Variants in SOS2 observed in about 807,000 individuals in gnomAD.
The protein encoded by SOS2 is SOS Ras/Rho guanine nucleotide exchange factor 2.
SOS2 carries 65 observed loss-of-function variants against 148.2 expected under a neutral mutation model. The ratio of observed to expected loss-of-function variants is 0.44; its 90% CI spans 0.36 to 0.54. SOS2 has a LOEUF of 0.54. Among genes scored for constraint, SOS2 ranks in the 20% least tolerant of loss-of-function variants. The pLI is 0.00. For missense variants in SOS2, 1,341 were observed against 1,590.2 expected (o/e 0.84, Z 2.67); for synonymous variants, 539 against 537.1 (o/e 1.00, Z -0.05).
chr14:50,199,647 A>G, intron 4 of SOS2, 44 bp downstream of exon 4: 1 of 1,157,552 alleles, frequency 8.6e-7, no homozygotes, highest in South Asian at 1.5e-5. Flanking sequence ...AGAAATTAGT[A>G]TAGTTGCTAT....
In SOS2 at chr14:50,141,098, G is replaced by A. The variant is rs140516158; in HGVS notation, c.2668-1039C>T. The stretch of plus-strand genomic sequence containing the variant: ...GGGTGCCTGTAGTCCCAGCTACTCG[G>A]GAGGCTGAGGCAGGAGAATGCCATG... On this transcript the variant is annotated intron_variant, in intron 16 of 22. Coordinates refer to ENST00000216373, the MANE Select transcript of SOS2 (RefSeq NM_006939.4). 7.0e-3 allele frequency among the ~76,000 whole-genome samples: 1,057 copies of A among 151,322 alleles called. 15 individuals carry two copies. The highest frequency in any genetic ancestry group is 0.024 in the African/African-American group (996 of 41,164).
rs1884613486 is a variant in SOS2 at position 50,150,107 on chromosome 14, T to C, written c.2285A>G (p.His762Arg). 3 of 1,613,698 alleles carry C rather than the reference T, an allele frequency of 1.9e-6. No homozygotes were observed. The highest frequency in any genetic ancestry group is 1.7e-6 in the Non-Finnish European group (2 of 1,179,698). Residue 762 changes from histidine (H) to arginine (R), a missense_variant, in exon 14 of 23, where the codon CAT (histidine) becomes CGT (arginine). Coordinates refer to ENST00000216373, the MANE Select transcript of SOS2 (RefSeq NM_006939.4). ...TTCAAACTGTCCTGGTTTGCTGATA[T>C]GCCATTCAATTGGTGGAGGTGGACT... is the stretch of plus-strand genomic sequence containing the variant. ...FESPPPPIEW[H>R]ISKPGQFETF...
rs550172427 is a variant in SOS2 at position 50,193,991 on chromosome 14, C to A, written c.511-5291G>T. 1.8e-3 allele frequency among the ~76,000 whole-genome samples: 277 copies of A among 152,232 alleles called. 2 individuals carry two copies. The highest frequency in any genetic ancestry group is 6.1e-3 in the African/African-American group (254 of 41,534). ...AACTCCTGAGCTCAGACAATCTGCC[C>A]GTCTTGGCCTCCCAAAGTGCTAGGA... is the stretch of plus-strand genomic sequence containing the variant. On this transcript the variant is annotated intron_variant, in intron 4 of 22. Transcript: ENST00000216373.
chr14:50,222,272 G>C (rs1887223947), intron 1 of SOS2, among the ~76,000 whole-genome samples: 1 of 152,168 alleles, frequency 6.6e-6, no homozygotes, highest in Non-Finnish European at 1.5e-5. Context: ...AAATGTGCAA[G>C]TTTTTCAAAA....
chr14:50,212,405 C>T (rs1324338206), intron 1 of SOS2, among the ~76,000 whole-genome samples: 3 of 152,180 alleles, frequency 2.0e-5, no homozygotes, highest in East Asian at 3.9e-4. Context: ...ACCCAGGAGG[C>T]GGAGGTTGCA....
At chr14:50,147,926 G>A (rs1167852333) in intron 14 of SOS2, among the ~76,000 whole-genome samples, 1 of 152,124 alleles carries the variant, frequency 6.6e-6, no homozygotes, top group East Asian at 1.9e-4. Context: ...TTCAAGGCCA[G>A]CCTGGGCAAC....
At chr14:50,183,281 T>C (rs1278765897) in intron 5 of SOS2, among the ~76,000 whole-genome samples, 2 of 152,094 alleles carry the variant, frequency 1.3e-5, no homozygotes, top group African/African-American at 2.4e-5. Flanking sequence ...TTTTCAAACA[T>C]GTACATCTTG....
In SOS2 at chr14:50,130,644, T is replaced by G. The variant is rs1286858047; in HGVS notation, c.3194A>C (p.Lys1065Thr). 1 of 1,614,204 alleles carries G rather than the reference T, an allele frequency of 6.2e-7. No individual in the cohort carries two copies. The highest frequency in any genetic ancestry group is 8.5e-7 in the Non-Finnish European group (1 of 1,180,038). The change falls in exon 20 of 23, where the codon AAA (lysine) becomes ACA (threonine). Residue 1065 changes from lysine to threonine, a missense_variant. By Grantham distance (78) the Lys-to-Thr change is moderately conservative. Around this residue, in one of 4 missense-constraint regions of SOS2, gnomAD observed 354 missense variants for 347.7 expected, o/e 1.02. Transcript: ENST00000216373. Reference protein sequence around the residue: ...HPTPLEREPCKISFSRIAETE... With the variant: ...HPTPLEREPCTISFSRIAETE... ...TTCAGCAATCCGACTAAAGCTTATTTTACATGGTTCTCTTTCTAATGGTGT... is the reference window on the plus strand; with the variant it reads ...TTCAGCAATCCGACTAAAGCTTATTGTACATGGTTCTCTTTCTAATGGTGT...
intron 1 of SOS2, among the ~76,000 whole-genome samples, chr14:50,226,780 A>G (rs943708689): frequency 6.6e-6 from 1 of 152,232 alleles, no homozygotes; most frequent in Non-Finnish European, 1.5e-5. Context: ...TACAAAATAA[A>G]TATCAGGGAC....
At chr14:50,130,051 A>AGGAGGT in intron 20 of SOS2, 49 bp from the exon 21 acceptor site, 1 of 1,160,534 alleles carries the variant, frequency 8.6e-7, no homozygotes, top group Non-Finnish European at 1.3e-6. Context: ...ACATGTAGGT[A>AGGAGGT]TTATTTTTTA....
Position 50,117,299 on chromosome 14 carries a change from A to G in SOS2, c.*1045T>C, listed in dbSNP as rs1883312647. On this transcript the variant is annotated 3_prime_UTR_variant, in exon 23 of 23. Coordinates refer to ENST00000216373, the MANE Select transcript of SOS2 (RefSeq NM_006939.4). Reference sequence around the variant, plus strand: ...CTATCACTTTGAACGAAGGCATCCAAATGGCAAATAAAAGCTTTACTCACT... The same window carrying G: ...CTATCACTTTGAACGAAGGCATCCAGATGGCAAATAAAAGCTTTACTCACT... 1 of 152,194 alleles carries G rather than the reference A, an allele frequency of 6.6e-6. No homozygotes were observed. Among genetic ancestry groups the G allele is most frequent in the South Asian group, 2.1e-4 (1 of 4,834 alleles). The allele number at this position is 152,194 out of a possible 1,614,324, so 9.4% of individuals were successfully genotyped here.
chr14:50,152,900 G>A (rs1325283570), intron 13 of SOS2, among the ~76,000 whole-genome samples, 170 bp downstream of exon 13: 1 of 151,964 alleles, frequency 6.6e-6, no homozygotes, highest in Admixed American at 6.6e-5. Context: ...GGGAGGCGGA[G>A]GTTGCAGTGA....
At chr14:50,165,025 G>A (rs1244770259) in intron 8 of SOS2, among the ~76,000 whole-genome samples, 6 of 151,580 alleles carry the variant, frequency 4.0e-5, no homozygotes, top group South Asian at 2.1e-4. Context: ...GGGGGACTAC[G>A]GCTGAATGGT....
At chr14:50,227,810 T>C (rs1383460405) in intron 1 of SOS2, among the ~76,000 whole-genome samples, 1 of 152,186 alleles carries the variant, frequency 6.6e-6, no homozygotes, top group Admixed American at 6.5e-5. Flanking sequence ...AATGGTGACT[T>C]TGTCAAATAC....
chr14:50,140,078 T>G lies in SOS2; in HGVS notation c.2668-19A>C. On this transcript the variant is annotated intron_variant, in intron 16 of 22. Transcript: ENST00000216373. ...GCAGTGCCTTAAAGTATACATAAAT[T>G]GAGTATAAATTTTTTACAATTCAAT... 2.7e-6 allele frequency: 3 copies of G among 1,127,352 alleles called. 1 individual carries two copies. The highest frequency in any genetic ancestry group is 2.4e-5 in the East Asian group (1 of 42,066). 69.8% of individuals were successfully genotyped at this position (1,127,352 alleles called of 1,614,324 possible).
chr14:50,122,471 ACAT>A (rs974629573), intron 21 of SOS2, among the ~76,000 whole-genome samples: 1 of 130,376 alleles, frequency 7.7e-6, no homozygotes, highest in Non-Finnish European at 1.5e-5. Flanking sequence ...GTCTTTAATT[ACAT>A]CATCGAGTCA....
At chr14:50,165,141 AC>A (rs1311589315) in intron 8 of SOS2, among the ~76,000 whole-genome samples, 1 of 152,206 alleles carries the variant, frequency 6.6e-6, no homozygotes, top group Admixed American at 6.5e-5. Flanking sequence ...AGCTCATCTT[AC>A]AACAAGGATT....
At chr14:50,209,896 C>T (rs1886811208) in intron 1 of SOS2, among the ~76,000 whole-genome samples, 1 of 152,074 alleles carries the variant, frequency 6.6e-6, no homozygotes, top group South Asian at 2.1e-4. Context: ...AAAGATGATA[C>T]CATGTTGGTG....
intron 1 of SOS2, among the ~76,000 whole-genome samples, chr14:50,218,339 A>G (rs1215050052): frequency 6.6e-6 from 1 of 151,764 alleles, no homozygotes; most frequent in Admixed American, 6.6e-5. Context: ...CCTGGGCAAC[A>G]TGGCAAAATC....
Sources: allele counts gnomAD v4.1 joint callset (sites outside exome capture counted in the v4.1 genomes callset), GRCh38; gene constraint gnomAD v4.1.1; regional missense constraint gnomAD v4.1.1; transcripts MANE v1.5; gene names NCBI Gene and HGNC (gene_info 2026-07-23, HGNC 2026-07-21).